ERBB2: variants seen among roughly 807,000 people sequenced by gnomAD.
The protein encoded by ERBB2 is erb-b2 receptor tyrosine kinase 2.
In ERBB2, 61 loss-of-function variants were observed where a neutral mutation model predicts 149.0. The ratio of observed to expected loss-of-function variants is 0.41; its 90% CI spans 0.33 to 0.51. The LOEUF is 0.51. Ranked by LOEUF, ERBB2 falls within the 20% of genes least tolerant of loss-of-function variation. The pLI, the probability that ERBB2 is intolerant of heterozygous loss-of-function variation, is 0.25. For missense variants in ERBB2, 1,205 were observed against 1,655.1 expected, an observed-to-expected ratio of 0.73 and a Z score of 4.72; for synonymous variants, 633 against 678.8, an observed-to-expected ratio of 0.93 and a Z score of 1.05.
chr17:39,708,960 T>C (rs554811694), intron 3 of ERBB2, among the ~76,000 whole-genome samples: 3 of 152,114 alleles, frequency 2.0e-5, no homozygotes, highest in Non-Finnish European at 4.4e-5. Context: ...GGCTTGCAGA[T>C]ATAAGGGCCA....
chr17:39,718,079 T>G (rs887265056), intron 15 of ERBB2, among the ~76,000 whole-genome samples: 2 of 152,216 alleles, frequency 1.3e-5, no homozygotes, highest in Non-Finnish European at 2.9e-5. Context: ...CCCAAAGTGT[T>G]GGGATTACAG....
chr17:39,716,711 T>G, intron 14 of ERBB2, 106 bp downstream of exon 14: 6 of 1,038,840 alleles, frequency 5.8e-6, no homozygotes, highest in Non-Finnish European at 8.7e-6. Context: ...TCTGGTAAAA[T>G]ATCCCTGGAG....
rs2059551666 is a variant in ERBB2 at position 39,723,328 on chromosome 17, G to A, written c.1956G>A (p.Thr652=). ...TGGCTTCCGCCCCCAGCCCTCTGAC[G>A]TCCATCATCTCTGCGGTGGTTGGCA... ...CPAEQRASPL[T]SIISAVVGIL... The change falls in exon 17 of 27, where the codon ACG becomes ACA. Residue 652 remains threonine, a synonymous_variant. Coordinates refer to ENST00000269571, the MANE Select transcript of ERBB2 (RefSeq NM_004448.4). This position sits in a 1 kb window ranked among gnomAD's most constrained non-coding sequence, Gnocchi z 6.2. The A allele has an allele frequency of 5.0e-6, 8 of 1,611,316 alleles. No individual in the cohort carries two copies. The highest frequency in any genetic ancestry group is 2.2e-5 in the East Asian group (1 of 44,750).
chr17:39,720,738 C>T (rs551742397), intron 16 of ERBB2, among the ~76,000 whole-genome samples: 6 of 152,264 alleles, frequency 3.9e-5, no homozygotes, highest in South Asian at 4.1e-4. Context: ...CAACCTCTGC[C>T]TCCTGGGTTC....
At position 39,728,004 on chromosome 17, in the gene ERBB2, C is replaced by T. The variant is rs2143319738; in HGVS notation, c.3728C>T (p.Ala1243Val). Residue 1243 changes from alanine (A) to valine (V), a missense_variant, in exon 27 of 27, where the codon GCA becomes GTA. Physicochemically the swap from Ala to Val is moderately conservative, Grantham distance 64. Around this residue, in one of 6 missense-constraint regions of ERBB2, gnomAD observed 312 missense variants for 343.8 expected, o/e 0.91. Coordinates refer to ENST00000269571, the MANE Select transcript of ERBB2 (RefSeq NM_004448.4). ...PPSTFKGTPT[A>V]ENPEYLGLDV... ...AGCACCTTCAAAGGGACACCTACGG[C>T]AGAGAACCCAGAGTACCTGGGTCTG... 1 of 1,608,900 alleles carries T rather than the reference C, an allele frequency of 6.2e-7. No individual in the cohort carries two copies. Among genetic ancestry groups the T allele is most frequent in the African/African-American group, 1.3e-5 (1 of 74,990 alleles).
chr17:39,721,699 AATC>A (rs1244685663), intron 16 of ERBB2, among the ~76,000 whole-genome samples: 1 of 152,168 alleles, frequency 6.6e-6, no homozygotes, highest in East Asian at 1.9e-4. Flanking sequence ...AGAACATCAA[AATC>A]ATCAGGTGTA....
At chr17:39,715,583 G>A in intron 11 of ERBB2, 47 bp downstream of exon 11, 1 of 1,583,176 alleles carries the variant, frequency 6.3e-7, no homozygotes, top group Non-Finnish European at 8.7e-7. Context: ...GTCCCAGGGA[G>A]GAGTCCCTGT....
At chr17:39,718,740 A>AT (rs908547816) in intron 15 of ERBB2, among the ~76,000 whole-genome samples, 11 of 148,544 alleles carry the variant, frequency 7.4e-5, no homozygotes, top group Admixed American at 1.3e-4. Context: ...TACCACCTTT[A>AT]TTTTTTTTTT....
upstream of ERBB2, among the ~76,000 whole-genome samples, chr17:39,691,487 T>C (rs1216689435): frequency 6.7e-6 from 1 of 149,456 alleles, no homozygotes; most frequent in African/African-American, 2.5e-5. Context: ...GAGGTTGCAG[T>C]GAGCCTGGAT....
Position 39,728,308 on chromosome 17 carries a change from A to T in ERBB2, c.*264A>T. ...CCAATGAGACTCTAGGGTCCAGTGG[A>T]TGCCACAGCCCAGCTTGGCCCTTTC... On this transcript the variant is annotated 3_prime_UTR_variant, in exon 27 of 27. Coordinates refer to ENST00000269571, the MANE Select transcript of ERBB2 (RefSeq NM_004448.4). The T allele has an allele frequency of 2.5e-6, 1 of 397,696 alleles. No individual in the cohort carries two copies. The highest frequency in any genetic ancestry group is 4.5e-6 in the Non-Finnish European group (1 of 220,554). The allele number at this position is 397,696 out of a possible 1,614,324, so 24.6% of individuals were successfully genotyped here.
intron 15 of ERBB2, chr17:39,717,697 CTAGT>C: frequency 2.2e-6 from 1 of 456,016 alleles, no homozygotes; most frequent in Non-Finnish European, 3.9e-6. Context: ...TATTTTTCCT[CTAGT>C]TATTTTTGTC....
Position 39,725,644 on chromosome 17 carries a change from C to T in ERBB2, c.2726-63C>T. On this transcript the variant is annotated intron_variant, in intron 22 of 26. Coordinates refer to ENST00000269571, the MANE Select transcript of ERBB2 (RefSeq NM_004448.4). This position sits in a 1 kb window ranked among gnomAD's most constrained non-coding sequence, Gnocchi z 4.6. ...ATGATGCTAGACTCCTGAGCAGAAC[C>T]TCTGGCTCAGTACACTAAAGCTCCC... 1 of 1,532,006 alleles carries T rather than the reference C, an allele frequency of 6.5e-7. No individual in the cohort carries two copies. 94.9% of individuals were successfully genotyped at this position (1,532,006 alleles called of 1,614,324 possible). A position where few individuals can be genotyped will look rare whatever the true frequency, so the allele number is the denominator to read the frequency against.
rs2059712586 is a variant in ERBB2, at chr17:39,725,606, CCTG to C, written c.2726-98_2726-96del. The C allele has an allele frequency of 7.3e-7, 1 of 1,364,436 alleles. No individual in the cohort carries two copies. The highest frequency in any genetic ancestry group is 1.4e-5 in the South Asian group (1 of 73,852). 84.5% of individuals were successfully genotyped at this position (1,364,436 alleles called of 1,614,324 possible). On this transcript the variant is annotated intron_variant, in intron 22 of 26. Transcript: ENST00000269571. This position sits in a 1 kb window ranked among gnomAD's most constrained non-coding sequence, Gnocchi z 4.6. ...TCTGTCTCCTGGCATCACATCTCCC[CCTG>C]CTACCTGCCATGATGCTAGACTCCT...
chr17:39,716,175 C>G (rs1038047390), intron 12 of ERBB2, 126 bp from the exon 13 acceptor site: 3 of 1,103,298 alleles, frequency 2.7e-6, no homozygotes, highest in Non-Finnish European at 2.5e-6. Flanking sequence ...CTCTTCCTCT[C>G]CCTACATCGG....
chr17:39,718,598 G>A (rs964565418), intron 15 of ERBB2, among the ~76,000 whole-genome samples: 1 of 152,118 alleles, frequency 6.6e-6, no homozygotes, highest in Non-Finnish European at 1.5e-5. Context: ...AGGAGTTCGA[G>A]ACCAATCTGG....
intron 2 of ERBB2, 78 bp from the exon 3 acceptor site, chr17:39,708,243 A>G: frequency 8.9e-7 from 1 of 1,123,932 alleles, no homozygotes; most frequent in Non-Finnish European, 1.3e-6. Context: ...CAAGATCTCC[A>G]AGTACTGGGG....
rs2145492047 is a variant in ERBB2, at chr17:39,709,860, A to T, written c.622A>T (p.Ser208Cys). Residue 208 changes from serine to cysteine, a missense_variant, in exon 5 of 27, where the codon AGT (serine) becomes TGT (cysteine). Physicochemically the swap from Ser to Cys is moderately radical, Grantham distance 112 (BLOSUM62 -1). This residue lies in a region of ERBB2 where 569 missense variants were observed against 803.5 expected (regional missense o/e 0.71). Coordinates refer to ENST00000269571, the MANE Select transcript of ERBB2 (RefSeq NM_004448.4). ...TAAGGGCTCCCGCTGCTGGGGAGAG[A>T]GTTCTGAGGATTGTCAGAGCCGTGA... Reference protein sequence around the residue: ...MCKGSRCWGESSEDCQSLTRT... With the variant: ...MCKGSRCWGECSEDCQSLTRT... The T allele has an allele frequency of 6.2e-7, 1 of 1,612,844 alleles. No individual in the cohort carries two copies. Among genetic ancestry groups the T allele is most frequent in the South Asian group, 1.1e-5 (1 of 91,068 alleles).
rs530892542 is a variant in ERBB2 at position 39,725,484 on chromosome 17, G to A, written c.2725+82G>A. The A allele has an allele frequency of 3.8e-5, 55 of 1,438,436 alleles. No individual in the cohort carries two copies. The East Asian group carries it at 5.3e-4, about 14-fold the overall frequency. The allele number at this position is 1,438,436 out of a possible 1,614,324, so 89.1% of individuals were successfully genotyped here. On this transcript the variant is annotated intron_variant, in intron 22 of 26. Transcript: ENST00000269571. This position sits in a 1 kb window ranked among gnomAD's most constrained non-coding sequence, Gnocchi z 4.6. ...TGAGAGCTGGGATGGGGAGAATTAC[G>A]GGGCCACCTCAGCATGTGAAGGGAG...
rs2145820099 is a variant in ERBB2, at chr17:39,723,728, C to T, written c.2208+68C>T. 2 of 1,559,200 alleles carry T rather than the reference C, an allele frequency of 1.3e-6. No individual in the cohort carries two copies. The highest frequency in any genetic ancestry group is 1.7e-6 in the Non-Finnish European group (2 of 1,150,636). On this transcript the variant is annotated intron_variant, in intron 18 of 26. Coordinates refer to ENST00000269571, the MANE Select transcript of ERBB2 (RefSeq NM_004448.4). This position sits in a 1 kb window ranked among gnomAD's most constrained non-coding sequence, Gnocchi z 6.2. The stretch of plus-strand genomic sequence containing the variant: ...GCGGTGCCTGGAGGGGTGTGGTCGG[C>T]AGTTCTGATGGGAGGGGCAAGAGCT...
Sources: allele counts gnomAD v4.1 joint callset (sites outside exome capture counted in the v4.1 genomes callset), GRCh38; gene constraint gnomAD v4.1.1; regional missense constraint gnomAD v4.1.1; non-coding constraint Gnocchi (gnomAD v3.1); transcripts MANE v1.5; gene names NCBI Gene and HGNC (gene_info 2026-07-23, HGNC 2026-07-21).